The following TRIM16 variants were observed in gnomAD, a reference collection of about 807,000 sequenced individuals.
TRIM16 encodes the protein tripartite motif containing 16.
In TRIM16, 33 loss-of-function variants were observed where a neutral mutation model predicts 50.4. The ratio of observed to expected loss-of-function variants is 0.65; its 90% CI spans 0.50 to 0.88. The LOEUF is 0.88. TRIM16 is among the 40% of genes least tolerant of loss of function. The pLI is 0.00. For synonymous variants in TRIM16, 229 were observed against 270.7 expected, an observed-to-expected ratio of 0.85 and a Z score of 1.51; for missense variants, 581 against 686.8, an observed-to-expected ratio of 0.85 and a Z score of 1.72.
intron 6 of TRIM16, among the ~76,000 whole-genome samples, chr17:15,676,440 T>C (rs909744635): frequency 6.6e-5 from 10 of 150,694 alleles, no homozygotes; most frequent in African/African-American, 2.2e-4. Context: ...TCTTTTTTTT[T>C]TTTTTTTTTC....
intron 10 of TRIM16, 28 bp downstream of exon 10, chr17:15,632,481 A>G (rs1275500561): frequency 6.3e-7 from 1 of 1,596,270 alleles, no homozygotes; most frequent in Admixed American, 1.7e-5. Flanking sequence ...CACACTCACT[A>G]TAGTCCATGG....
intron 7 of TRIM16, among the ~76,000 whole-genome samples, chr17:15,648,118 C>G (rs184976156): frequency 0.019 from 2,818 of 151,128 alleles, 79 homozygotes; most frequent in African/African-American, 0.065. Context: ...CCCAGCTACT[C>G]GGGAGGCTGA....
At chr17:15,634,800 G>A (rs1381681058) in intron 9 of TRIM16, among the ~76,000 whole-genome samples, 1 of 149,172 alleles carries the variant, frequency 6.7e-6, no homozygotes, top group Non-Finnish European at 1.5e-5. Flanking sequence ...GACAGAGCAA[G>A]ACTCCATCTC....
At chr17:15,678,149 G>A (rs1276524389) in intron 4 of TRIM16, among the ~76,000 whole-genome samples, 2 of 151,830 alleles carry the variant, frequency 1.3e-5, no homozygotes, top group Admixed American at 6.5e-5. Context: ...AACCCGGGAG[G>A]CGAAGCTTGC....
intron 8 of TRIM16, among the ~76,000 whole-genome samples, chr17:15,642,085 C>T (rs562026097): frequency 6.7e-6 from 1 of 148,860 alleles, no homozygotes; most frequent in African/African-American, 2.5e-5. Context: ...CTCAAGTGAT[C>T]CACCCACTTC....
chr17:15,675,303 A>G (rs534501756), intron 6 of TRIM16, among the ~76,000 whole-genome samples: 1 of 152,342 alleles, frequency 6.6e-6, no homozygotes, highest in East Asian at 1.9e-4. Context: ...CGCCACTGTA[A>G]CAACCTATAA....
At chr17:15,666,514 G>A (rs1444291015) in intron 6 of TRIM16, among the ~76,000 whole-genome samples, 1 of 152,292 alleles carries the variant, frequency 6.6e-6, no homozygotes, top group South Asian at 2.1e-4. Flanking sequence ...ACCCAATCAA[G>A]ATAGAGAATA....
intron 7 of TRIM16, 52 bp downstream of exon 7, chr17:15,651,039 A>T (rs1192168569): frequency 6.4e-7 from 1 of 1,561,102 alleles, no homozygotes; most frequent in East Asian, 2.3e-5. Context: ...AGCTGGGCAC[A>T]CCATCCCCCA....
chr17:15,666,880 C>G (rs1297331321), intron 6 of TRIM16, among the ~76,000 whole-genome samples: 6 of 152,248 alleles, frequency 3.9e-5, no homozygotes, highest in East Asian at 1.9e-4. Flanking sequence ...CATCCTTTTA[C>G]CAGCCTACCT....
intron 6 of TRIM16, chr17:15,658,669 G>A (rs527367804): frequency 3.6e-5 from 9 of 251,362 alleles, no homozygotes; most frequent in Admixed American, 6.5e-5. Context: ...GGGAATGTCC[G>A]GAAGAGTGAC....
At chr17:15,662,713 A>G (rs1988295646) in intron 6 of TRIM16, among the ~76,000 whole-genome samples, 1 of 152,226 alleles carries the variant, frequency 6.6e-6, no homozygotes, top group Non-Finnish European at 1.5e-5. Flanking sequence ...GACTGTGCTA[A>G]GCAGGGAATA....
chr17:15,628,795 G>C lies in TRIM16; in HGVS notation c.1515C>G (p.Ile505Met). The C allele has an allele frequency of 2.5e-6, 4 of 1,614,206 alleles. No individual in the cohort carries two copies. Among genetic ancestry groups the C allele is most frequent in the South Asian group, 1.1e-5 (1 of 91,088 alleles). ...CATACTCTACGCCATAGAAGGAAAG[G>C]ATCCCTCCCGGGAAGTCGATATAGA... ...LGVYIDFPGG[I>M]LSFYGVEYDT... Residue 505 changes from isoleucine (I) to methionine (M), a missense_variant, in exon 12 of 12, where the codon ATC (isoleucine) becomes ATG (methionine). This residue lies in a region of TRIM16 where 115 missense variants were observed against 106.7 expected (regional missense o/e 1.08). Coordinates refer to ENST00000649191, the MANE Select transcript of TRIM16 (RefSeq NM_001348119.1).
At position 15,684,249 on chromosome 17, in the gene TRIM16, G is replaced by T. The variant is rs563660329; in HGVS notation, c.-952C>A. 1 of 152,166 alleles carries T rather than the reference G, an allele frequency of 6.6e-6. No individual in the cohort carries two copies. Among genetic ancestry groups the T allele is most frequent in the Middle Eastern group, 3.2e-3 (1 of 316 alleles). The allele number at this position is 152,166 out of a possible 1,614,324, so 9.4% of individuals were successfully genotyped here. A position where few individuals can be genotyped will look rare whatever the true frequency, so the allele number is the denominator to read the frequency against. ...CAGACACAGAGAGGGTGTCTGCTCT[G>T]GGGGACAGGGAGGACACAGACTCGC... is the stretch of plus-strand genomic sequence containing the variant. On this transcript the variant is annotated 5_prime_UTR_variant, in exon 1 of 12. Coordinates refer to ENST00000649191, the MANE Select transcript of TRIM16 (RefSeq NM_001348119.1).
chr17:15,674,400 G>T lies in TRIM16; in HGVS notation c.-338+2776C>A, dbSNP rs551085236. 1.1e-3 allele frequency among the ~76,000 whole-genome samples: 164 copies of T among 152,054 alleles called. 5 individuals carry two copies. The highest frequency in any genetic ancestry group is 3.7e-3 in the African/African-American group (154 of 41,496). ...AAAAAAGACACAATAACATTAAAGAGCTATTTTGAGATAAGTGAAAAAAGA... is the reference window on the plus strand; with the variant it reads ...AAAAAAGACACAATAACATTAAAGATCTATTTTGAGATAAGTGAAAAAAGA... On this transcript the variant is annotated intron_variant, in intron 6 of 11. Coordinates refer to ENST00000649191, the MANE Select transcript of TRIM16 (RefSeq NM_001348119.1).
intron 4 of TRIM16, among the ~76,000 whole-genome samples, chr17:15,678,223 A>C (rs1455936816): frequency 1.3e-5 from 2 of 152,184 alleles, no homozygotes; most frequent in African/African-American, 4.8e-5. Context: ...TGTCTCAAAA[A>C]AAAAAAAAGA....
chr17:15,640,140 GGA>G (rs1321091584), intron 8 of TRIM16, among the ~76,000 whole-genome samples: 1 of 149,282 alleles, frequency 6.7e-6, no homozygotes, highest in African/African-American at 2.5e-5. Context: ...GTCTGTCTCT[GGA>G]GTCCATCCCT....
intron 6 of TRIM16, among the ~76,000 whole-genome samples, chr17:15,659,267 G>A (rs1988111226): frequency 6.6e-6 from 1 of 152,214 alleles, no homozygotes; most frequent in Non-Finnish European, 1.5e-5. Context: ...CGAAGGTCTA[G>A]TCCTGGGCTG....
chr17:15,673,988 T>G (rs1009497086), intron 6 of TRIM16, among the ~76,000 whole-genome samples: 7 of 152,120 alleles, frequency 4.6e-5, no homozygotes, highest in Non-Finnish European at 1.5e-5. Context: ...TGAGAACTGA[T>G]AGTTATAATT....
chr17:15,669,039 G>A (rs371940344), intron 6 of TRIM16, among the ~76,000 whole-genome samples: 2 of 151,732 alleles, frequency 1.3e-5, no homozygotes, highest in Admixed American at 1.3e-4. Context: ...AATAAACATA[G>A]GAAAAGACAT....
Sources: gnomAD v4.1 joint callset for allele counts (sites outside exome capture counted in the v4.1 genomes callset) on GRCh38, gnomAD v4.1.1 for gene constraint, gnomAD v4.1.1 regional missense constraint, MANE v1.5 for transcripts, NCBI Gene and HGNC (gene_info 2026-07-23, HGNC 2026-07-21) for gene names.